Variants in LIG1 observed in about 807,000 individuals in gnomAD.
LIG1 encodes ligase I, DNA, ATP-dependent.
Under a neutral mutation model 115.7 loss-of-function variants are expected in LIG1, and 70 were observed. The ratio of observed to expected loss-of-function variants is 0.60; its 90% CI spans 0.50 to 0.74. The LOEUF is 0.74. Among genes scored for constraint, LIG1 ranks in the 30% least tolerant of loss-of-function variants. The pLI, the probability that LIG1 is intolerant of heterozygous loss-of-function variation, is 0.00. For missense variants in LIG1, 1,115 were observed against 1,225.6 expected, an observed-to-expected ratio of 0.91 and a Z score of 1.35; for synonymous variants, 487 against 495.3, an observed-to-expected ratio of 0.98 and a Z score of 0.22.
At position 48,123,211 on chromosome 19, in the gene LIG1, G is replaced by T. The variant is rs769895197; in HGVS notation, c.2112C>A (p.Ile704=). Residue 704 remains isoleucine (I), a synonymous_variant, in exon 22 of 28, where the codon ATC becomes ATA. Transcript: ENST00000263274. The part of the protein sequence containing the change: ...VFATSLDTKD[I]EQIAEFLEQS... ...GCTCCAGGAACTCGGCGATCTGCTC[G>T]ATGTCCTTGGTGTCCAGGGAGGTGG... is the stretch of plus-strand genomic sequence containing the variant. The T allele has an allele frequency of 6.8e-6, 11 of 1,613,980 alleles. No homozygotes were observed. The highest frequency in any genetic ancestry group is 2.7e-5 in the African/African-American group (2 of 74,890).
At chr19:48,127,418 GCATTCATCTA>G in intron 20 of LIG1, 70 bp from the exon 21 acceptor site, 1 of 1,366,452 alleles carries the variant, frequency 7.3e-7, no homozygotes, top group Admixed American at 1.7e-5. Flanking sequence ...GAGGCCGACA[GCATTCATCTA>G]CCGGTCTCCC....
intron 1 of LIG1, among the ~76,000 whole-genome samples, chr19:48,166,012 A>C (rs564874738): frequency 6.6e-6 from 1 of 152,386 alleles, no homozygotes; most frequent in Admixed American, 6.5e-5. Context: ...TGGTCTACAT[A>C]AATTAGCTCT....
chr19:48,137,810 C>A lies in LIG1; in HGVS notation c.1088-122G>T. The A allele has an allele frequency of 8.1e-7, 1 of 1,239,186 alleles. No individual in the cohort carries two copies. The highest frequency in any genetic ancestry group is 1.1e-6 in the Non-Finnish European group (1 of 879,950). 76.8% of individuals were successfully genotyped at this position (1,239,186 alleles called of 1,614,324 possible). A position where few individuals can be genotyped will look rare whatever the true frequency, so the allele number is the denominator to read the frequency against. On this transcript the variant is annotated intron_variant, in intron 12 of 27. Coordinates refer to ENST00000263274, the MANE Select transcript of LIG1 (RefSeq NM_000234.3). The surrounding 1 kb of genome is among the most constrained non-coding windows in gnomAD (Gnocchi z 4.3). ...GTGCTTGTGGCGAGTCCCTGCACCT[C>A]CCTGTGTCTAACGCTCACCCACTTG... is the stretch of plus-strand genomic sequence containing the variant.
chr19:48,147,348 G>A (rs1467141654), intron 9 of LIG1: 1 of 152,102 alleles, frequency 6.6e-6, no homozygotes, highest in Non-Finnish European at 1.5e-5. Context: ...ACAATCTTTA[G>A]AGGAAAAAAA....
rs756529393 is a variant in LIG1 at position 48,161,435 on chromosome 19, C to A, written c.180G>T (p.Ala60=). The A allele has an allele frequency of 1.2e-6, 2 of 1,614,154 alleles. No homozygotes were observed. Among genetic ancestry groups the A allele is most frequent in the Non-Finnish European group, 1.7e-6 (2 of 1,180,028 alleles). Reference sequence around the variant, plus strand: ...CCCCTTCGCTGCCCAGGACCCGGGCCGCCTTCCTCCCTGGCCTCTTCACCG... The same window carrying A: ...CCCCTTCGCTGCCCAGGACCCGGGCAGCCTTCCTCCCTGGCCTCTTCACCG... The part of the protein sequence containing the change: ...DSPVKRPGRK[A]ARVLGSEGEE... Residue 60 remains alanine, a synonymous_variant, in exon 4 of 28, where the codon GCG becomes GCT. Transcript: ENST00000263274.
intron 4 of LIG1, among the ~76,000 whole-genome samples, chr19:48,160,021 G>C (rs899446853): frequency 2.0e-5 from 3 of 152,112 alleles, no homozygotes; most frequent in African/African-American, 4.8e-5. Context: ...CCAGCCACTT[G>C]CTTTGAAAAC....
At chr19:48,140,451 C>CT (rs1309305358) in intron 11 of LIG1, among the ~76,000 whole-genome samples, 2 of 152,166 alleles carry the variant, frequency 1.3e-5, no homozygotes, top group East Asian at 3.9e-4. Flanking sequence ...GCAGAACTAA[C>CT]TTTGGGAAGG....
At position 48,151,208 on chromosome 19, in the gene LIG1, CGGA is replaced by C. The variant is rs1025261984; in HGVS notation, c.574+21_574+23del. The C allele has an allele frequency of 3.4e-6, 5 of 1,466,004 alleles. No homozygotes were observed. The African/African-American group carries it at 4.2e-5, about 12-fold the overall frequency. 90.8% of individuals were successfully genotyped at this position (1,466,004 alleles called of 1,614,324 possible). A position where few individuals can be genotyped will look rare whatever the true frequency, so the allele number is the denominator to read the frequency against. On this transcript the variant is annotated intron_variant, in intron 7 of 27. Coordinates refer to ENST00000263274, the MANE Select transcript of LIG1 (RefSeq NM_000234.3). ...CCCAAAATCAGGAGGTGGGGCAGGGCGGAGGAGAGGACCAGAAACTCACTGGAG... is the reference window on the plus strand; with the variant it reads ...CCCAAAATCAGGAGGTGGGGCAGGGCGGAGAGGACCAGAAACTCACTGGAG...
At chr19:48,165,458 TG>T in intron 2 of LIG1, 91 bp downstream of exon 2, 2 of 1,052,928 alleles carry the variant, frequency 1.9e-6, no homozygotes, top group Non-Finnish European at 3.0e-6. Context: ...TAAGAGTTTT[TG>T]TTTGTTTGTT....
At chr19:48,117,975 A>C in intron 25 of LIG1, 194 bp from the exon 26 acceptor site, 1 of 622,784 alleles carries the variant, frequency 1.6e-6, no homozygotes, top group Non-Finnish European at 2.8e-6. Context: ...GAGAAACAGA[A>C]AGTGAAAGAA....
chr19:48,167,237 T>G (rs1053337767), intron 1 of LIG1, among the ~76,000 whole-genome samples: 5 of 151,840 alleles, frequency 3.3e-5, no homozygotes, highest in Non-Finnish European at 2.9e-5. Flanking sequence ...TATGTAATTA[T>G]AATTATTTAC....
At chr19:48,146,413 T>C (rs1008286220) in intron 9 of LIG1, among the ~76,000 whole-genome samples, 4 of 152,254 alleles carry the variant, frequency 2.6e-5, no homozygotes, top group Non-Finnish European at 5.9e-5. Context: ...AAAATCTCTT[T>C]GATGTCATGC....
At chr19:48,124,063 CT>C (rs2033494711) in intron 21 of LIG1, among the ~76,000 whole-genome samples, 1 of 152,314 alleles carries the variant, frequency 6.6e-6, no homozygotes. Context: ...ACTAATCCGT[CT>C]TGTGGCTTTG....
chr19:48,131,286 C>A, intron 18 of LIG1, 115 bp from the exon 19 acceptor site: 1 of 749,804 alleles, frequency 1.3e-6, no homozygotes, highest in East Asian at 2.7e-5. Context: ...GGAGGAGGAA[C>A]TGGTGCAGAG....
chr19:48,166,305 G>A (rs1244432772), intron 1 of LIG1, among the ~76,000 whole-genome samples: 1 of 152,210 alleles, frequency 6.6e-6, no homozygotes, highest in Non-Finnish European at 1.5e-5. Context: ...GCTGAGGCAG[G>A]AGAATCGCTT....
intron 5 of LIG1, among the ~76,000 whole-genome samples, chr19:48,155,843 G>A (rs975890141): frequency 2.6e-5 from 4 of 152,178 alleles, no homozygotes; most frequent in Non-Finnish European, 5.9e-5. Context: ...TACCAAAGCT[G>A]TTCCAAAATG....
chr19:48,146,011 G>A (rs1294226271), intron 9 of LIG1: 1 of 152,310 alleles, frequency 6.6e-6, no homozygotes, highest in East Asian at 1.9e-4. Flanking sequence ...AGTGTTGTGA[G>A]GATTTGGAGC....
intron 7 of LIG1, among the ~76,000 whole-genome samples, 160 bp from the exon 8 acceptor site, chr19:48,150,370 G>A (rs1400414076): frequency 6.6e-6 from 1 of 152,074 alleles, no homozygotes; most frequent in Non-Finnish European, 1.5e-5. Context: ...TCTCAGGCCT[G>A]CTGTCTACTC....
intron 2 of LIG1, among the ~76,000 whole-genome samples, chr19:48,163,604 G>A (rs1389189609): frequency 1.3e-5 from 2 of 151,844 alleles, no homozygotes; most frequent in East Asian, 3.9e-4. Flanking sequence ...CCTTCAAGAA[G>A]CTAACACTCT....
Sources: gnomAD v4.1 joint callset for allele counts (sites outside exome capture counted in the v4.1 genomes callset) on GRCh38, gnomAD v4.1.1 for gene constraint, Gnocchi (gnomAD v3.1) non-coding constraint, MANE v1.5 for transcripts, NCBI Gene and HGNC (gene_info 2026-07-23, HGNC 2026-07-21) for gene names.